Variants in VSTM4 observed in about 807,000 individuals in gnomAD.
VSTM4 encodes V-set and transmembrane domain containing 4.
VSTM4 carries 20 observed loss-of-function variants against 36.4 expected under a neutral mutation model. The observed-to-expected ratio is 0.55, with a 90% CI of 0.39 to 0.80. The LOEUF (loss-of-function observed/expected upper bound fraction) is 0.80, where lower values mean the gene tolerates loss of function less well. VSTM4 is among the 30% of genes least tolerant of loss of function. The probability of loss-of-function intolerance (pLI) is 0.00; values close to 1 mark genes in which losing one functional copy is unlikely to be tolerated. For missense variants in VSTM4, 392 were observed against 404.5 expected (o/e 0.97, Z 0.26); for synonymous variants, 182 against 173.9 (o/e 1.05, Z -0.37).
At chr10:49,024,328 A>G (rs1415054187) in intron 7 of VSTM4, among the ~76,000 whole-genome samples, 6 of 152,244 alleles carry the variant, frequency 3.9e-5, no homozygotes, top group East Asian at 3.8e-4. Context: ...AGAATCCACA[A>G]GTAATTCTGG....
intron 7 of VSTM4, among the ~76,000 whole-genome samples, chr10:49,029,966 C>T (rs574557353): frequency 1.5e-4 from 23 of 152,292 alleles, no homozygotes; most frequent in African/African-American, 4.8e-4. Flanking sequence ...CAGGGGGCCC[C>T]GCACCCCTCT....
At chr10:49,058,346 AT>A (rs1461072645) in intron 5 of VSTM4, among the ~76,000 whole-genome samples, 2 of 152,186 alleles carry the variant, frequency 1.3e-5, no homozygotes, top group Non-Finnish European at 2.9e-5. Flanking sequence ...TTGGAGAGTC[AT>A]TGCAGAATGG....
Position 49,019,491 on chromosome 10 carries a change from G to C in VSTM4, c.*159C>G. On this transcript the variant is annotated 3_prime_UTR_variant, in exon 8 of 8. Coordinates refer to ENST00000332853, the MANE Select transcript of VSTM4 (RefSeq NM_001031746.5). ...GCCCCGATTCTTTTGGGGAGAGCAG[G>C]CTTGTACCTCTTCAAAGGCACCCAG... is the stretch of plus-strand genomic sequence containing the variant. 9.7e-7 allele frequency: 1 copy of C among 1,028,716 alleles called. No individual in the cohort carries two copies. Among genetic ancestry groups the C allele is most frequent in the African/African-American group, 1.6e-5 (1 of 62,270 alleles). 63.7% of individuals were successfully genotyped at this position (1,028,716 alleles called of 1,614,324 possible).
intron 7 of VSTM4, among the ~76,000 whole-genome samples, chr10:49,027,865 T>C (rs1843287015): frequency 2.0e-5 from 3 of 152,318 alleles, no homozygotes; most frequent in Non-Finnish European, 2.9e-5. Flanking sequence ...TGTTCCAAGT[T>C]TTTAGTGGTT....
At chr10:49,109,302 C>T (rs1844849879) in intron 1 of VSTM4, among the ~76,000 whole-genome samples, 1 of 152,164 alleles carries the variant, frequency 6.6e-6, no homozygotes, top group South Asian at 2.1e-4. Context: ...ACAGATCAAG[C>T]AAGATCTGAA....
At chr10:49,076,822 T>C (rs1844187086) in intron 4 of VSTM4, among the ~76,000 whole-genome samples, 1 of 152,148 alleles carries the variant, frequency 6.6e-6, no homozygotes. Flanking sequence ...CATAAGAACA[T>C]TCCACTGAGG....
At chr10:49,045,828 G>A (rs1843599609) in intron 7 of VSTM4, among the ~76,000 whole-genome samples, 1 of 152,146 alleles carries the variant, frequency 6.6e-6, no homozygotes, top group Admixed American at 6.5e-5. Flanking sequence ...TTCCACCTCT[G>A]TGCTCTTTGT....
chr10:49,067,649 G>A (rs904661218), intron 4 of VSTM4, among the ~76,000 whole-genome samples: 1 of 152,218 alleles, frequency 6.6e-6, no homozygotes, highest in African/African-American at 2.4e-5. Flanking sequence ...CAGGGGAAAT[G>A]AATCCCGCTG....
chr10:49,034,584 GA>G (rs921214168), intron 7 of VSTM4, among the ~76,000 whole-genome samples: 16 of 151,916 alleles, frequency 1.1e-4, no homozygotes, highest in African/African-American at 3.6e-4. Flanking sequence ...TTCTGGCTAG[GA>G]AAAAAAATCT....
intron 5 of VSTM4, among the ~76,000 whole-genome samples, chr10:49,051,973 T>C (rs1203501186): frequency 3.3e-5 from 5 of 152,120 alleles, no homozygotes; most frequent in Non-Finnish European, 4.4e-5. Flanking sequence ...CTCATACTAT[T>C]CCAGTGAGGA....
At chr10:49,038,939 G>A (rs1469433998) in intron 7 of VSTM4, among the ~76,000 whole-genome samples, 1 of 152,138 alleles carries the variant, frequency 6.6e-6, no homozygotes, top group African/African-American at 2.4e-5. Flanking sequence ...GCAACAGCCA[G>A]GGGTAAAAGC....
intron 5 of VSTM4, among the ~76,000 whole-genome samples, chr10:49,057,055 T>C (rs1316281288): frequency 6.6e-6 from 1 of 151,536 alleles, no homozygotes; most frequent in Non-Finnish European, 1.5e-5. Flanking sequence ...AACAACTAGA[T>C]CTCGTGTGAA....
chr10:49,056,095 G>A (rs779698905), intron 5 of VSTM4, among the ~76,000 whole-genome samples: 1 of 152,222 alleles, frequency 6.6e-6, no homozygotes, highest in Non-Finnish European at 1.5e-5. Context: ...ACTCCTTTGT[G>A]AGGTATTTGC....
At chr10:49,068,644 A>C (rs963977367) in intron 4 of VSTM4, among the ~76,000 whole-genome samples, 4 of 152,226 alleles carry the variant, frequency 2.6e-5, no homozygotes, top group Non-Finnish European at 5.9e-5. Context: ...TATGCATAGC[A>C]TAATTAGTGC....
chr10:49,111,488 C>T (rs1406006405), intron 1 of VSTM4, among the ~76,000 whole-genome samples: 2 of 152,200 alleles, frequency 1.3e-5, no homozygotes, highest in Non-Finnish European at 2.9e-5. Flanking sequence ...TGGTGTCACT[C>T]GCCCCCTCCT....
chr10:49,106,491 G>A (rs1844784970), intron 2 of VSTM4, among the ~76,000 whole-genome samples: 1 of 152,244 alleles, frequency 6.6e-6, no homozygotes, highest in Non-Finnish European at 1.5e-5. Flanking sequence ...TAGCTGAGAT[G>A]TTGCAGAAAT....
At chr10:49,084,776 A>T (rs532038084) in intron 3 of VSTM4, among the ~76,000 whole-genome samples, 1 of 152,354 alleles carries the variant, frequency 6.6e-6, no homozygotes, top group East Asian at 1.9e-4. Context: ...TGCATTCTTT[A>T]ATTGCTTATG....
intron 7 of VSTM4, among the ~76,000 whole-genome samples, chr10:49,038,515 T>G (rs1042285549): frequency 3.6e-4 from 55 of 152,190 alleles, no homozygotes; most frequent in African/African-American, 1.3e-3. Flanking sequence ...GAAAAGAGCA[T>G]TGGAGATTGA....
chr10:49,082,998 T>G (rs954244925), intron 3 of VSTM4, among the ~76,000 whole-genome samples: 1 of 152,204 alleles, frequency 6.6e-6, no homozygotes, highest in African/African-American at 2.4e-5. Context: ...AGATGGCACC[T>G]GTTGCCCAGC....
Sources: gnomAD v4.1 joint callset for allele counts (sites outside exome capture counted in the v4.1 genomes callset) on GRCh38, gnomAD v4.1.1 for gene constraint, MANE v1.5 for transcripts, NCBI Gene and HGNC (gene_info 2026-07-23, HGNC 2026-07-21) for gene names.